KAT2B: variants seen among roughly 807,000 people sequenced by gnomAD.
KAT2B encodes lysine acetyltransferase 2B.
A neutral mutation model predicts 105.9 loss-of-function variants in KAT2B; 36 were observed. The ratio of observed to expected loss-of-function variants is 0.34; its 90% CI spans 0.26 to 0.45. KAT2B has a LOEUF of 0.45. KAT2B is among the 20% of genes least tolerant of loss of function. KAT2B has a pLI of 1.00. For missense variants in KAT2B, 820 were observed against 1,021.6 expected (o/e 0.80, Z 2.69); for synonymous variants, 397 against 377.9 (o/e 1.05, Z -0.59).
chr3:20,147,857 C>T, intron 14 of KAT2B, 106 bp from the exon 15 acceptor site: 1 of 1,037,652 alleles, frequency 9.6e-7, no homozygotes, highest in Non-Finnish European at 1.4e-6. Context: ...CAGAAGTAGA[C>T]TTTTATTGTC....
chr3:20,048,100 T>C (rs1468538629), intron 1 of KAT2B, among the ~76,000 whole-genome samples: 1 of 152,208 alleles, frequency 6.6e-6, no homozygotes, highest in Non-Finnish European at 1.5e-5. Flanking sequence ...CACATAAGTT[T>C]ATTGCATACA....
chr3:20,117,242 G>T (rs921892064), intron 7 of KAT2B, among the ~76,000 whole-genome samples: 1 of 152,098 alleles, frequency 6.6e-6, no homozygotes, highest in Non-Finnish European at 1.5e-5. Flanking sequence ...TGTGGCTAAG[G>T]TTGTCACCAA....
chr3:20,126,835 A>C (rs1434351978), intron 10 of KAT2B, among the ~76,000 whole-genome samples: 1 of 151,536 alleles, frequency 6.6e-6, no homozygotes, highest in Non-Finnish European at 1.5e-5. Flanking sequence ...AAAAAAAAAA[A>C]AAAAACCCAC....
intron 2 of KAT2B, among the ~76,000 whole-genome samples, chr3:20,092,185 A>G (rs979832750): frequency 6.6e-6 from 1 of 151,486 alleles, no homozygotes; most frequent in African/African-American, 2.4e-5. Context: ...GTCCCCTACT[A>G]TTATTGTATT....
chr3:20,052,322 T>C (rs1277025484), intron 1 of KAT2B, among the ~76,000 whole-genome samples: 1 of 152,190 alleles, frequency 6.6e-6, no homozygotes, highest in South Asian at 2.1e-4. Flanking sequence ...CTTATGACAA[T>C]AGAAGCTCCA....
intron 1 of KAT2B, 24 bp downstream of exon 1, chr3:20,040,804 C>G (rs1485043809): frequency 6.3e-7 from 1 of 1,575,450 alleles, no homozygotes; most frequent in East Asian, 2.5e-5. Flanking sequence ...GCTCTCGGAC[C>G]GCGGATGGGT....
chr3:20,057,510 T>C (rs1171594186), intron 1 of KAT2B, among the ~76,000 whole-genome samples: 1 of 152,218 alleles, frequency 6.6e-6, no homozygotes, highest in African/African-American at 2.4e-5. Context: ...CAGCTGGTTG[T>C]CTGAACTGCT....
At chr3:20,075,169 CAGG>C (rs1252735721) in intron 2 of KAT2B, among the ~76,000 whole-genome samples, 1 of 151,904 alleles carries the variant, frequency 6.6e-6, no homozygotes, top group Non-Finnish European at 1.5e-5. Flanking sequence ...GAGGCTGAGG[CAGG>C]AGAATTGCTT....
chr3:20,125,557 G>A (rs1262339596), intron 9 of KAT2B, among the ~76,000 whole-genome samples: 1 of 152,208 alleles, frequency 6.6e-6, no homozygotes, highest in Non-Finnish European at 1.5e-5. Flanking sequence ...TATAGCAGAA[G>A]AAGGAGTAGT....
At chr3:20,141,639 C>T (rs1699696252) in intron 13 of KAT2B, among the ~76,000 whole-genome samples, 1 of 152,164 alleles carries the variant, frequency 6.6e-6, no homozygotes, top group South Asian at 2.1e-4. Flanking sequence ...AATCCCAGTT[C>T]TTAGTTTTTT....
chr3:20,126,894 A>G (rs910374462), intron 10 of KAT2B, among the ~76,000 whole-genome samples: 8 of 152,034 alleles, frequency 5.3e-5, no homozygotes, highest in South Asian at 2.1e-4. Context: ...TTTAACATAC[A>G]TAGCCCAGTA....
At chr3:20,104,542 T>C (rs192465068) in intron 5 of KAT2B, among the ~76,000 whole-genome samples, 6 of 152,258 alleles carry the variant, frequency 3.9e-5, no homozygotes, top group Non-Finnish European at 7.4e-5. Flanking sequence ...TTCTCAAAAA[T>C]GGGTAATATT....
At chr3:20,125,447 A>G (rs35801709) in intron 9 of KAT2B, among the ~76,000 whole-genome samples, 61,671 of 152,108 alleles carry the variant, frequency 0.41, 12,746 homozygotes, top group Middle Eastern at 0.46. Flanking sequence ...ACTATAACCC[A>G]CAGGCCACAT....
chr3:20,133,149 G>A (rs1395888042), intron 11 of KAT2B, among the ~76,000 whole-genome samples: 10 of 152,168 alleles, frequency 6.6e-5, no homozygotes, highest in South Asian at 2.1e-4. Context: ...AGCTTGGTAC[G>A]CATCCTTCCA....
chr3:20,102,504 A>G (rs1488574466), intron 5 of KAT2B, among the ~76,000 whole-genome samples: 1 of 152,190 alleles, frequency 6.6e-6, no homozygotes, highest in African/African-American at 2.4e-5. Flanking sequence ...AGGTTACATT[A>G]TAGTCCATTG....
chr3:20,083,651 A>G (rs888455085), intron 2 of KAT2B, among the ~76,000 whole-genome samples: 1 of 152,200 alleles, frequency 6.6e-6, no homozygotes, highest in African/African-American at 2.4e-5. Context: ...CAGCAGAGAG[A>G]ACAGTCTAGG....
intron 5 of KAT2B, among the ~76,000 whole-genome samples, chr3:20,104,614 T>C (rs1386697708): frequency 2.0e-5 from 3 of 152,164 alleles, no homozygotes; most frequent in Admixed American, 1.3e-4. Context: ...TCAGGACCTA[T>C]AACGCTGGTT....
At position 20,044,551 on chromosome 3, in the gene KAT2B, A is replaced by G. The variant is rs753775668; in HGVS notation, c.303+3771A>G. Among the ~76,000 whole-genome samples the G allele has an allele frequency of 2.6e-5, 4 of 152,180 alleles. No homozygotes were observed. The East Asian group carries it at 7.7e-4, about 29-fold the overall frequency. On this transcript the variant is annotated intron_variant, in intron 1 of 17. Coordinates refer to ENST00000263754, the MANE Select transcript of KAT2B (RefSeq NM_003884.5). ...TGGCTACTGCTATCTGTGGCTCCTT[A>G]TCGAGGGTTCAGGCACATGGTTTCC...
At chr3:20,061,420 A>C (rs2125171958) in intron 1 of KAT2B, among the ~76,000 whole-genome samples, 1 of 152,314 alleles carries the variant, frequency 6.6e-6, no homozygotes, top group East Asian at 1.9e-4. Context: ...TGTTGTGCTT[A>C]ATAATGATAC....
Sources: gnomAD v4.1 joint callset for allele counts (sites outside exome capture counted in the v4.1 genomes callset) on GRCh38, gnomAD v4.1.1 for gene constraint, MANE v1.5 for transcripts, NCBI Gene and HGNC (gene_info 2026-07-23, HGNC 2026-07-21) for gene names.